ARF3: variants seen among roughly 807,000 people sequenced by gnomAD.
ARF3 encodes the protein ARF GTPase 3.
ARF3 carries 5 observed loss-of-function variants against 19.3 expected under a neutral mutation model. The observed-to-expected ratio is 0.26, with a 90% CI of 0.14 to 0.54. The LOEUF (loss-of-function observed/expected upper bound fraction) is 0.54, where lower values mean the gene tolerates loss of function less well. Among genes scored for constraint, ARF3 ranks in the 20% least tolerant of loss-of-function variants. The pLI is 0.95. For missense variants in ARF3, 77 were observed against 234.2 expected (o/e 0.33, Z 4.38); for synonymous variants, 71 against 89.2 (o/e 0.80, Z 1.15).
At chr12:48,955,242 C>G (rs950028553) in intron 1 of ARF3, among the ~76,000 whole-genome samples, 1 of 152,162 alleles carries the variant, frequency 6.6e-6, no homozygotes, top group Non-Finnish European at 1.5e-5. Flanking sequence ...CTCCTTTATA[C>G]TTGCATTCAG....
At chr12:48,945,055 G>C (rs569827456) in intron 1 of ARF3, among the ~76,000 whole-genome samples, 1 of 149,190 alleles carries the variant, frequency 6.7e-6, no homozygotes, top group Admixed American at 6.8e-5. Context: ...CAGGAGAACC[G>C]CTGGAATCCA....
At chr12:48,946,348 C>T (rs1296017948) in intron 1 of ARF3, among the ~76,000 whole-genome samples, 1 of 152,142 alleles carries the variant, frequency 6.6e-6, no homozygotes, top group African/African-American at 2.4e-5. Context: ...AGCAAACAAA[C>T]CATGAATTGT....
intron 1 of ARF3, among the ~76,000 whole-genome samples, chr12:48,955,913 C>T (rs1410163397): frequency 6.6e-6 from 1 of 152,174 alleles, no homozygotes; most frequent in Non-Finnish European, 1.5e-5. Flanking sequence ...AAAGCTGAAC[C>T]TTAATGGATT....
intron 1 of ARF3, among the ~76,000 whole-genome samples, chr12:48,945,717 T>C (rs913539606): frequency 6.6e-6 from 1 of 152,150 alleles, no homozygotes; most frequent in African/African-American, 2.4e-5. Context: ...TGAGACTCCA[T>C]CTCAAAAAAT....
chr12:48,954,858 T>TA lies in ARF3; in HGVS notation c.-94+2451dup, dbSNP rs1353705309. On this transcript the variant is annotated intron_variant, in intron 1 of 4. Transcript: ENST00000256682. Reference sequence around the variant, plus strand: ...AACACAGTGAGATCTCTACAAAAAGTAAAAAAAAAAATTCGCTGGGCATGG... The same window carrying TA: ...AACACAGTGAGATCTCTACAAAAAGTAAAAAAAAAAAATTCGCTGGGCATGG... Among the ~76,000 whole-genome samples, 505 of 147,010 alleles carry TA rather than the reference T, an allele frequency of 3.4e-3. 2 individuals carry two copies. The highest frequency in any genetic ancestry group is 0.011 in the African/African-American group (447 of 40,190).
intron 1 of ARF3, chr12:48,956,845 G>A (rs1417930034): frequency 6.6e-6 from 1 of 152,462 alleles, no homozygotes; most frequent in African/African-American, 2.4e-5. Context: ...CCTATGATGG[G>A]GGAGGGGGTG....
In ARF3 at chr12:48,938,593, A is replaced by G. The variant is rs1334381247; in HGVS notation, c.*354T>C. ...AAGGGCTTGTGGGGACAGGGAAAGGACTCAGATGCCAAGAGGACAGCAACC... is the reference window on the plus strand; with the variant it reads ...AAGGGCTTGTGGGGACAGGGAAAGGGCTCAGATGCCAAGAGGACAGCAACC... On this transcript the variant is annotated 3_prime_UTR_variant, in exon 5 of 5. Transcript: ENST00000256682. 2.2e-6 allele frequency: 1 copy of G among 457,572 alleles called. No individual in the cohort carries two copies. The highest frequency in any genetic ancestry group is 4.4e-6 in the Non-Finnish European group (1 of 228,470). 28.3% of individuals were successfully genotyped at this position (457,572 alleles called of 1,614,324 possible).
chr12:48,942,022 T>C (rs1940267807), intron 1 of ARF3, among the ~76,000 whole-genome samples: 1 of 152,174 alleles, frequency 6.6e-6, no homozygotes, highest in African/African-American at 2.4e-5. Context: ...ATTCTCCATA[T>C]AGCATCTAGG....
intron 2 of ARF3, 118 bp downstream of exon 2, chr12:48,940,830 A>G: frequency 7.5e-7 from 1 of 1,328,894 alleles, no homozygotes; most frequent in Non-Finnish European, 1.0e-6. Context: ...TCTTTTCTGA[A>G]CCCCACAAAT....
chr12:48,940,350 G>A (rs573135982), intron 2 of ARF3, among the ~76,000 whole-genome samples: 2 of 152,352 alleles, frequency 1.3e-5, no homozygotes, highest in Middle Eastern at 3.4e-3. Flanking sequence ...CCTGGGTAAC[G>A]TGGGCCAACT....
At chr12:48,945,423 CA>C (rs1278941244) in intron 1 of ARF3, among the ~76,000 whole-genome samples, 1 of 151,924 alleles carries the variant, frequency 6.6e-6, no homozygotes, top group Non-Finnish European at 1.5e-5. Flanking sequence ...GCTAAAAATA[CA>C]AAAAAATTAG....
chr12:48,951,670 G>A (rs1321313069), intron 1 of ARF3, among the ~76,000 whole-genome samples: 1 of 151,552 alleles, frequency 6.6e-6, no homozygotes, highest in Non-Finnish European at 1.5e-5. Context: ...ACCTGAGATC[G>A]GGAGTTCGAG....
chr12:48,948,679 T>G (rs976238543), intron 1 of ARF3, among the ~76,000 whole-genome samples: 5 of 152,022 alleles, frequency 3.3e-5, no homozygotes, highest in African/African-American at 1.2e-4. Context: ...GGTGTGATGG[T>G]GTGGGCCTGC....
At chr12:48,955,252 G>C (rs1357468613) in intron 1 of ARF3, among the ~76,000 whole-genome samples, 1 of 152,116 alleles carries the variant, frequency 6.6e-6, no homozygotes, top group Non-Finnish European at 1.5e-5. Context: ...CTTGCATTCA[G>C]TATAATAATA....
Position 48,939,821 on chromosome 12 carries a change from C to T in ARF3, c.260-42G>A. The stretch of plus-strand genomic sequence containing the variant: ...TGGGCTGCACTAAGATGACAGGTAA[C>T]CCCCTCCCCCCAACCAAAAGACCAC... On this transcript the variant is annotated intron_variant, in intron 3 of 4. Coordinates refer to ENST00000256682, the MANE Select transcript of ARF3 (RefSeq NM_001659.3). This position sits in a 1 kb window ranked among gnomAD's most constrained non-coding sequence, Gnocchi z 4.8. 1 of 1,611,416 alleles carries T rather than the reference C, an allele frequency of 6.2e-7. No individual in the cohort carries two copies. The highest frequency in any genetic ancestry group is 8.5e-7 in the Non-Finnish European group (1 of 1,178,188).
rs1389383609 is a variant in ARF3, at chr12:48,937,650, T to G, written c.*1297A>C. On this transcript the variant is annotated 3_prime_UTR_variant, in exon 5 of 5. Transcript: ENST00000256682. ...GGACAGCAAGGATGGTCTGAGGGCC[T>G]GGAAACAATAGAAAATCTTCGTCCT... The G allele has an allele frequency of 6.6e-6, 1 of 152,358 alleles. No individual in the cohort carries two copies. The highest frequency in any genetic ancestry group is 1.5e-5 in the Non-Finnish European group (1 of 68,092). 9.4% of individuals were successfully genotyped at this position (152,358 alleles called of 1,614,324 possible).
At chr12:48,955,440 T>C (rs1940545803) in intron 1 of ARF3, among the ~76,000 whole-genome samples, 1 of 152,228 alleles carries the variant, frequency 6.6e-6, no homozygotes, top group South Asian at 2.1e-4. Context: ...CTGCAGATAA[T>C]GACTCTGTGT....
At chr12:48,940,150 T>C (rs1565706783) in intron 2 of ARF3, 43 bp from the exon 3 acceptor site, 10 of 1,514,398 alleles carry the variant, frequency 6.6e-6, no homozygotes, top group Non-Finnish European at 9.2e-6. Context: ...CCTCAAACAC[T>C]AGCCCCGCAA....
intron 1 of ARF3, among the ~76,000 whole-genome samples, chr12:48,951,539 G>A (rs934267357): frequency 4.0e-5 from 6 of 149,588 alleles, no homozygotes; most frequent in South Asian, 4.2e-4. Flanking sequence ...CTCCAGCCTC[G>A]GTGACAAGAA....
Sources: allele counts gnomAD v4.1 joint callset (sites outside exome capture counted in the v4.1 genomes callset), GRCh38; gene constraint gnomAD v4.1.1; non-coding constraint Gnocchi (gnomAD v3.1); transcripts MANE v1.5; gene names NCBI Gene and HGNC (gene_info 2026-07-23, HGNC 2026-07-21).